COL4A2: variants seen among roughly 807,000 people sequenced by gnomAD.
COL4A2 encodes collagen type IV alpha 2 chain.
A neutral mutation model predicts 200.2 loss-of-function variants in COL4A2; 99 were observed. That is an observed-to-expected ratio of 0.49 (90% confidence interval 0.42 to 0.58). COL4A2 has a LOEUF of 0.58. COL4A2 is among the 20% of genes least tolerant of loss of function. The pLI is 0.00. For synonymous variants in COL4A2, 897 were observed against 900.6 expected, an observed-to-expected ratio of 1.00 and a Z score of 0.07; for missense variants, 1,950 against 2,314.1, an observed-to-expected ratio of 0.84 and a Z score of 3.23.
intron 35 of COL4A2, 96 bp downstream of exon 35, chr13:110,489,604 T>A: frequency 6.3e-7 from 1 of 1,594,648 alleles, no homozygotes; most frequent in South Asian, 1.1e-5. Flanking sequence ...TGTTAGGTAT[T>A]TTAAAACAAA....
chr13:110,399,850 G>C lies in COL4A2; in HGVS notation c.181-24884G>C, dbSNP rs186475651. On this transcript the variant is annotated intron_variant, in intron 4 of 47. Coordinates refer to ENST00000360467, the MANE Select transcript of COL4A2 (RefSeq NM_001846.4). ...CTGTTTTGAGGGTAAGAGAAGATTTGAGTGAGGTTTGCTTTGGTCATGGCT... is the reference window on the plus strand; with the variant it reads ...CTGTTTTGAGGGTAAGAGAAGATTTCAGTGAGGTTTGCTTTGGTCATGGCT... Among the ~76,000 whole-genome samples the C allele has an allele frequency of 5.3e-5, 8 of 152,260 alleles. No homozygotes were observed. In the East Asian group the frequency reaches 1.5e-3, roughly 29 times the overall value.
chr13:110,351,601 C>G (rs1876964787), intron 3 of COL4A2, among the ~76,000 whole-genome samples: 1 of 152,182 alleles, frequency 6.6e-6, no homozygotes, highest in African/African-American at 2.4e-5. Flanking sequence ...CCTTTTGGTT[C>G]CACAACACTA....
rs1882199711 is a variant in COL4A2 at position 110,465,441 on chromosome 13, T to C, written c.1813T>C (p.Tyr605His). The C allele has an allele frequency of 6.2e-7, 1 of 1,613,636 alleles. No homozygotes were observed. Among genetic ancestry groups the C allele is most frequent in the African/African-American group, 1.3e-5 (1 of 74,934 alleles). Residue 605 changes from tyrosine to histidine, a missense_variant, in exon 25 of 48, where the codon TAT becomes CAT. Physicochemically the swap from Tyr to His is moderately conservative, Grantham distance 83 (BLOSUM62 2). Around this residue, in one of 2 missense-constraint regions of COL4A2, gnomAD observed 1,385 missense variants for 1,720.5 expected, o/e 0.80. Coordinates refer to ENST00000360467, the MANE Select transcript of COL4A2 (RefSeq NM_001846.4). ...GIKGPPGDPGYPGIPGTKGTP... is the reference protein window; with the variant it reads ...GIKGPPGDPGHPGIPGTKGTP... ...CAAGGGCCCTCCAGGGGACCCAGGC[T>C]ATCCAGGAATACCTGGAACGAAGGG...
intron 4 of COL4A2, among the ~76,000 whole-genome samples, chr13:110,381,785 G>A (rs1878503180): frequency 6.6e-6 from 1 of 152,194 alleles, no homozygotes; most frequent in Non-Finnish European, 1.5e-5. Context: ...AAACCACACA[G>A]CCAAGCACCC....
At position 110,355,187 on chromosome 13, in the gene COL4A2, G is replaced by A. The variant is rs531191987; in HGVS notation, c.100-2285G>A. 7.2e-5 allele frequency among the ~76,000 whole-genome samples: 11 copies of A among 152,364 alleles called. No homozygotes were observed. In the South Asian group the frequency reaches 2.1e-3, roughly 29 times the overall value. On this transcript the variant is annotated intron_variant, in intron 3 of 47. Transcript: ENST00000360467. ...CAGCCTTGTCCAGGGTCCCTTAGGT[G>A]TAACTGTGTGATAATAGGGAGGCTC...
chr13:110,393,101 T>G (rs569185165), intron 4 of COL4A2, among the ~76,000 whole-genome samples: 1 of 152,254 alleles, frequency 6.6e-6, no homozygotes, highest in Non-Finnish European at 1.5e-5. Flanking sequence ...ACGGTGGTGC[T>G]GAAGGCAACA....
intron 4 of COL4A2, among the ~76,000 whole-genome samples, chr13:110,364,565 T>C (rs1439562447): frequency 2.0e-5 from 3 of 152,214 alleles, no homozygotes; most frequent in East Asian, 1.9e-4. Flanking sequence ...AATGGTTAAA[T>C]CTCGCTGGAA....
At chr13:110,434,283 A>T in intron 11 of COL4A2, 118 bp from the exon 12 acceptor site, 1 of 814,856 alleles carries the variant, frequency 1.2e-6, no homozygotes, top group Non-Finnish European at 2.0e-6. Flanking sequence ...ATGCAAATAT[A>T]GTTGCTCAGT....
chr13:110,495,418 T>A lies in COL4A2; in HGVS notation c.3711T>A (p.Leu1237=). The change falls in exon 40 of 48, where the codon CTT becomes CTA. Residue 1237 remains leucine (L), a synonymous_variant. Transcript: ENST00000360467. ...ERGDPGEANT[L]PGPVGVPGQK... Reference sequence around the variant, plus strand: ...GTGACCCAGGAGAGGCCAACACCCTTCCAGGCCCTGTGGGAGTCCCAGGAC... The same window carrying A: ...GTGACCCAGGAGAGGCCAACACCCTACCAGGCCCTGTGGGAGTCCCAGGAC... 1 of 1,613,794 alleles carries A rather than the reference T, an allele frequency of 6.2e-7. No homozygotes were observed. The highest frequency in any genetic ancestry group is 8.5e-7 in the Non-Finnish European group (1 of 1,179,910).
At position 110,307,588 on chromosome 13, in the gene COL4A2, C is replaced by T. The variant is rs1884814333; in HGVS notation, c.-45+60C>T. ...GCCCGAGAGCACCGACTTGGAGCGC[C>T]TTGTGCAGGCTAGGGCTGCACGCTC... is the stretch of plus-strand genomic sequence containing the variant. On this transcript the variant is annotated intron_variant, in intron 1 of 47. Coordinates refer to ENST00000360467, the MANE Select transcript of COL4A2 (RefSeq NM_001846.4). This position sits in a 1 kb window ranked among gnomAD's most constrained non-coding sequence, Gnocchi z 5.0. 1 of 389,532 alleles carries T rather than the reference C, an allele frequency of 2.6e-6. No individual in the cohort carries two copies. The highest frequency in any genetic ancestry group is 4.6e-6 in the Non-Finnish European group (1 of 219,428). The allele number at this position is 389,532 out of a possible 1,614,324, so 24.1% of individuals were successfully genotyped here.
intron 28 of COL4A2, 21 bp downstream of exon 28, chr13:110,469,345 C>A (rs1406626938): frequency 1.9e-6 from 3 of 1,557,068 alleles, no homozygotes; most frequent in Non-Finnish European, 2.6e-6. Flanking sequence ...ATCAGACCCC[C>A]ATTCAGCCCC....
intron 37 of COL4A2, 101 bp from the exon 38 acceptor site, chr13:110,491,969 C>G: frequency 9.8e-7 from 1 of 1,016,532 alleles, no homozygotes. Flanking sequence ...CCCTTCCGGC[C>G]CTCGGCCCCT....
At chr13:110,438,497 C>T (rs989376360) in intron 14 of COL4A2, 121 bp from the exon 15 acceptor site, 20 of 1,310,748 alleles carry the variant, frequency 1.5e-5, no homozygotes, top group East Asian at 2.3e-5. Flanking sequence ...CATCGCCAGG[C>T]GGTCTGGACA....
intron 3 of COL4A2, among the ~76,000 whole-genome samples, chr13:110,315,778 C>T (rs142681057): frequency 3.2e-4 from 48 of 152,284 alleles, no homozygotes; most frequent in Non-Finnish European, 5.6e-4. Flanking sequence ...CATCTTGCAT[C>T]GGCCCTCATG....
At chr13:110,396,435 G>T (rs780321742) in intron 4 of COL4A2, among the ~76,000 whole-genome samples, 2 of 152,218 alleles carry the variant, frequency 1.3e-5, no homozygotes. Context: ...TCCATGCCCC[G>T]TGTTTTTCTT....
At chr13:110,430,044 G>A (rs1432047227) in intron 8 of COL4A2, 88 bp downstream of exon 8, 1 of 1,345,164 alleles carries the variant, frequency 7.4e-7, no homozygotes, top group South Asian at 1.5e-5. Flanking sequence ...AACTTTGCAT[G>A]TAAGAATGAA....
At chr13:110,354,190 A>G (rs146580514) in intron 3 of COL4A2, among the ~76,000 whole-genome samples, 1 of 152,334 alleles carries the variant, frequency 6.6e-6, no homozygotes, top group East Asian at 1.9e-4. Context: ...GCTTTACCCT[A>G]TAGACCCAGG....
At chr13:110,379,748 TTGA>T (rs1203485197) in intron 4 of COL4A2, among the ~76,000 whole-genome samples, 1 of 152,198 alleles carries the variant, frequency 6.6e-6, no homozygotes, top group African/African-American at 2.4e-5. Context: ...AATGGCAGTG[TTGA>T]TGAGCCCCCC....
At chr13:110,467,791 G>T (rs1882305523) in intron 27 of COL4A2, among the ~76,000 whole-genome samples, 1 of 152,228 alleles carries the variant, frequency 6.6e-6, no homozygotes, top group Admixed American at 6.5e-5. Flanking sequence ...GCAGGAGGAG[G>T]GCTGGACCCT....
Sources: gnomAD v4.1 joint callset for allele counts (sites outside exome capture counted in the v4.1 genomes callset) on GRCh38, gnomAD v4.1.1 for gene constraint, gnomAD v4.1.1 regional missense constraint, Gnocchi (gnomAD v3.1) non-coding constraint, MANE v1.5 for transcripts, NCBI Gene and HGNC (gene_info 2026-07-23, HGNC 2026-07-21) for gene names.